Variants in FGD6 observed in about 807,000 individuals in gnomAD.
FGD6 encodes FYVE, RhoGEF and PH domain-containing protein 6.
In FGD6, 90 loss-of-function variants were observed where a neutral mutation model predicts 149.4. The ratio of observed to expected loss-of-function variants is 0.60; its 90% confidence interval spans 0.51 to 0.72. The LOEUF (loss-of-function observed/expected upper bound fraction) is 0.72. Among genes scored for constraint, FGD6 ranks in the 30% least tolerant of loss-of-function variants. The probability of loss-of-function intolerance (pLI) is 0.00; values close to 1 mark genes in which losing one functional copy is unlikely to be tolerated. For synonymous variants in FGD6, 527 were observed against 584.0 expected, an observed-to-expected ratio of 0.90 and a Z score of 1.41; for missense variants, 1,437 against 1,684.8, an observed-to-expected ratio of 0.85 and a Z score of 2.57.
At position 95,210,147 on chromosome 12, in the gene FGD6, C is replaced by T; in HGVS notation, c.1137G>A (p.Lys379=). The T allele has an allele frequency of 6.2e-7, 1 of 1,613,942 alleles. No homozygotes were observed. The highest frequency in any genetic ancestry group is 8.5e-7 in the Non-Finnish European group (1 of 1,179,968). The change falls in exon 2 of 21, where the codon AAG becomes AAA. Residue 379 remains lysine (K), a synonymous_variant. Transcript: ENST00000343958. ...TATTCAATTCACTTTTATTTCCTAG[C>T]TTCATTTTATCCACCTGTTCCTGCT... is the stretch of plus-strand genomic sequence containing the variant. ...LCKQEQVDKM[K]LGNKSELNME...
At chr12:95,095,806 G>T (rs1878214974) in intron 14 of FGD6, among the ~76,000 whole-genome samples, 1 of 152,056 alleles carries the variant, frequency 6.6e-6, no homozygotes, top group Non-Finnish European at 1.5e-5. Context: ...TTGAGCTCAG[G>T]AGTTCGAGAC....
At chr12:95,192,696 A>C (rs905821698) in intron 2 of FGD6, among the ~76,000 whole-genome samples, 8 of 152,186 alleles carry the variant, frequency 5.3e-5, no homozygotes, top group African/African-American at 1.9e-4. Flanking sequence ...GATGGAGAAC[A>C]ATGGGGAAGA....
rs573749991 is a variant in FGD6 at position 95,116,802 on chromosome 12, C to T, written c.3083-3101G>A. 269 of 455,744 alleles carry T rather than the reference C, an allele frequency of 5.9e-4. 2 individuals are homozygous for T. The highest frequency in any genetic ancestry group is 4.0e-3 in the South Asian group (259 of 64,500). 28.2% of individuals were successfully genotyped at this position (455,744 alleles called of 1,614,324 possible). On this transcript the variant is annotated intron_variant, in intron 8 of 20. Transcript: ENST00000343958. ...CATCCATCCATTCATGTTTTTAGGG[C>T]ATCTTCTTGCAGTATATCTTTTTGA...
chr12:95,100,055 T>TCCCCC (rs33962935), intron 14 of FGD6, among the ~76,000 whole-genome samples: 42 of 129,298 alleles, frequency 3.2e-4, no homozygotes, highest in Non-Finnish European at 5.7e-4. Context: ...ACTTTTCTGA[T>TCCCCC]CCCCCCCCCC....
chr12:95,171,283 T>C (rs546898123), intron 3 of FGD6, among the ~76,000 whole-genome samples: 17 of 152,168 alleles, frequency 1.1e-4, no homozygotes, highest in South Asian at 1.0e-3. Flanking sequence ...GGAAGAACAA[T>C]AGATTGATAA....
intron 12 of FGD6, 62 bp downstream of exon 12, chr12:95,107,501 T>C: frequency 1.9e-6 from 3 of 1,540,438 alleles, no homozygotes; most frequent in Middle Eastern, 1.7e-4. Context: ...TGTATAAACG[T>C]CTCCTTTCCT....
intron 1 of FGD6, among the ~76,000 whole-genome samples, chr12:95,213,144 C>G (rs941305527): frequency 5.3e-5 from 8 of 152,168 alleles, no homozygotes; most frequent in Non-Finnish European, 1.2e-4. Context: ...TTTAGTAAGT[C>G]AAGTCTTAAG....
chr12:95,178,352 A>G (rs1453973066), intron 2 of FGD6, among the ~76,000 whole-genome samples: 3 of 152,230 alleles, frequency 2.0e-5, no homozygotes, highest in African/African-American at 7.2e-5. Context: ...ACAAATATCA[A>G]GTTCAACCAG....
At chr12:95,089,071 G>A (rs1032512930) in intron 18 of FGD6, among the ~76,000 whole-genome samples, 1 of 152,206 alleles carries the variant, frequency 6.6e-6, no homozygotes, top group African/African-American at 2.4e-5. Flanking sequence ...AACAAAGTCT[G>A]TGGATTACAC....
At chr12:95,141,660 A>C in intron 5 of FGD6, 121 bp from the exon 6 acceptor site, 1 of 1,159,178 alleles carries the variant, frequency 8.6e-7, no homozygotes, top group Non-Finnish European at 1.2e-6. Flanking sequence ...TCTCATGCAG[A>C]ATTACAAATC....
Position 95,076,805 on chromosome 12 carries a change from A to AT in FGD6, c.*4714dup, listed in dbSNP as rs957628632. 9.6e-6 allele frequency: 1 copy of AT among 103,860 alleles called. No individual in the cohort carries two copies. The highest frequency in any genetic ancestry group is 3.6e-4 in the South Asian group (1 of 2,790). 6.4% of individuals were successfully genotyped at this position (103,860 alleles called of 1,614,324 possible). A position where few individuals can be genotyped will look rare whatever the true frequency, so the allele number is the denominator to read the frequency against. ...CATATTAACATTATTTACAATGCTA[A>AT]TTTTTTTATTTATAAAGTATATATG... On this transcript the variant is annotated 3_prime_UTR_variant, in exon 21 of 21. Coordinates refer to ENST00000343958, the MANE Select transcript of FGD6 (RefSeq NM_018351.4).
intron 2 of FGD6, among the ~76,000 whole-genome samples, chr12:95,196,092 G>A (rs1008217540): frequency 9.2e-5 from 14 of 152,134 alleles, no homozygotes; most frequent in African/African-American, 3.4e-4. Context: ...CTGCACTCCA[G>A]CCTGGGTGAC....
chr12:95,192,584 A>G (rs967338850), intron 2 of FGD6, among the ~76,000 whole-genome samples: 7 of 152,296 alleles, frequency 4.6e-5, no homozygotes, highest in Non-Finnish European at 7.4e-5. Context: ...AGGATCCCCC[A>G]TCCATGCAGG....
chr12:95,194,779 T>A (rs1007446961), intron 2 of FGD6, among the ~76,000 whole-genome samples: 1 of 152,176 alleles, frequency 6.6e-6, no homozygotes, highest in African/African-American at 2.4e-5. Context: ...TCTGTCAATG[T>A]TAATATACTA....
At chr12:95,159,350 T>G (rs959272556) in intron 3 of FGD6, among the ~76,000 whole-genome samples, 10 of 152,096 alleles carry the variant, frequency 6.6e-5, no homozygotes, top group Non-Finnish European at 1.2e-4. Context: ...ATCCTTATGA[T>G]CTTGAATTAG....
chr12:95,166,901 G>A (rs1006416248), intron 3 of FGD6, among the ~76,000 whole-genome samples: 1 of 148,402 alleles, frequency 6.7e-6, no homozygotes, highest in Non-Finnish European at 1.5e-5. Flanking sequence ...CTGTTGGCCA[G>A]GATGGAGTAC....
At chr12:95,168,520 G>C (rs1026738647) in intron 3 of FGD6, among the ~76,000 whole-genome samples, 10 of 152,054 alleles carry the variant, frequency 6.6e-5, no homozygotes, top group Non-Finnish European at 1.3e-4. Context: ...AAAATCAGCT[G>C]GGTGTAGTGG....
chr12:95,128,129 C>G (rs1879401345), intron 8 of FGD6, among the ~76,000 whole-genome samples: 1 of 152,136 alleles, frequency 6.6e-6, no homozygotes, highest in Non-Finnish European at 1.5e-5. Context: ...ACAAAAGATC[C>G]CTTCAAAGAC....
chr12:95,207,726 C>T (rs2056700195), intron 2 of FGD6, among the ~76,000 whole-genome samples: 1 of 152,104 alleles, frequency 6.6e-6, no homozygotes, highest in South Asian at 2.1e-4. Context: ...GAGCTTAAAA[C>T]CAAATACAGA....
Sources: allele counts gnomAD v4.1 joint callset (sites outside exome capture counted in the v4.1 genomes callset), GRCh38; gene constraint gnomAD v4.1.1; transcripts MANE v1.5; gene names NCBI Gene and HGNC (gene_info 2026-07-23, HGNC 2026-07-21).